ANK3: variants seen among roughly 807,000 people sequenced by gnomAD.
ANK3 encodes the protein ankyrin 3.
A neutral mutation model predicts 370.9 loss-of-function variants in ANK3; 57 were observed. The observed-to-expected ratio is 0.15, with a 90% CI of 0.12 to 0.19. The LOEUF is 0.19. Among genes scored for constraint, ANK3 ranks in the 10% least tolerant of loss-of-function variants. The pLI is 1.00. For missense variants in ANK3, 4,439 were observed against 5,302.1 expected (o/e 0.84, Z 5.06); for synonymous variants, 1,929 against 1,946.3 (o/e 0.99, Z 0.23).
intron 2 of ANK3, among the ~76,000 whole-genome samples, chr10:60,514,923 G>C (rs1039340392): frequency 6.6e-6 from 1 of 152,088 alleles, no homozygotes; most frequent in African/African-American, 2.4e-5. Flanking sequence ...ATTGTAGAGA[G>C]TTGTGTCTTT....
intron 1 of ANK3, among the ~76,000 whole-genome samples, chr10:60,315,149 G>T (rs1342281342): frequency 6.6e-6 from 1 of 152,150 alleles, no homozygotes; most frequent in Non-Finnish European, 1.5e-5. Flanking sequence ...AGAGGGTCCA[G>T]ATGAGTTTAA....
intron 2 of ANK3, among the ~76,000 whole-genome samples, chr10:60,607,993 G>A (rs953282975): frequency 6.6e-5 from 10 of 152,128 alleles, no homozygotes; most frequent in South Asian, 2.1e-4. Flanking sequence ...AATCCTTGAC[G>A]AATTTTTCTG....
rs766194973 is a variant in ANK3, at chr10:60,073,235, C to A, written c.7646G>T (p.Ser2549Ile). The A allele has an allele frequency of 1.9e-6, 3 of 1,614,152 alleles. No individual in the cohort carries two copies. In the South Asian group the frequency reaches 3.3e-5, roughly 18 times the overall value. Residue 2549 changes from serine (S) to isoleucine (I), a missense_variant, in exon 37 of 44, where the codon AGT becomes ATT. Ser to Ile is a moderately radical substitution (Grantham distance 142, BLOSUM62 -2). Coordinates refer to ENST00000280772, the MANE Select transcript of ANK3 (RefSeq NM_020987.5). The stretch of plus-strand genomic sequence containing the variant: ...CATCCACATGGCATGTTTTGGACTA[C>A]TAACATTGCCAGAATAGTGCAACAC... The part of the protein sequence containing the change: ...VTVLHYSGNV[S>I]SPKHAMWMRF...
At position 60,468,984 on chromosome 10, in the gene ANK3, C is replaced by A. The variant is rs1476576461; in HGVS notation, c.96+146202G>T. ...TATATATAGGACCACTATATATATA[C>A]CACTTTTAGTGTGTATATATATATA... On this transcript the variant is annotated intron_variant, in intron 2 of 43. Coordinates refer to the ANK3 transcript ENST00000373827. Among the ~76,000 whole-genome samples the A allele has an allele frequency of 1.3e-3, 75 of 57,350 alleles. 2 individuals carry two copies. The East Asian group carries it at 0.03, about 23-fold the overall frequency. 37.6% of individuals were successfully genotyped at this position (57,350 alleles called of 152,430 possible).
chr10:60,362,960 T>C (rs1326196672), intron 1 of ANK3, among the ~76,000 whole-genome samples: 1 of 152,056 alleles, frequency 6.6e-6, no homozygotes, highest in East Asian at 1.9e-4. Flanking sequence ...TGGACATAGA[T>C]GACTTGTTCT....
At chr10:60,139,185 T>C in intron 23 of ANK3, 98 bp from the exon 24 acceptor site, 1 of 1,421,240 alleles carries the variant, frequency 7.0e-7, no homozygotes, top group Non-Finnish European at 9.6e-7. Flanking sequence ...AATCCCCCAA[T>C]ATCTCATATT....
intron 2 of ANK3, among the ~76,000 whole-genome samples, chr10:60,450,396 A>C (rs1300233065): frequency 5.3e-5 from 8 of 152,192 alleles, no homozygotes. Flanking sequence ...CGAGCTGCCA[A>C]AAGTATTACT....
chr10:60,558,453 C>T (rs1264553945), intron 2 of ANK3, among the ~76,000 whole-genome samples: 2 of 152,102 alleles, frequency 1.3e-5, no homozygotes, highest in African/African-American at 4.8e-5. Flanking sequence ...ATCTCATATT[C>T]CTTGCAGCAC....
chr10:60,523,131 C>A (rs1028078985), intron 2 of ANK3, among the ~76,000 whole-genome samples: 1 of 151,840 alleles, frequency 6.6e-6, no homozygotes, highest in Non-Finnish European at 1.5e-5. Context: ...GAGTCTTTAA[C>A]AGCCTTTCCT....
intron 25 of ANK3, among the ~76,000 whole-genome samples, chr10:60,117,809 G>A (rs368559311): frequency 3.9e-5 from 6 of 151,966 alleles, no homozygotes; most frequent in Non-Finnish European, 5.9e-5. Flanking sequence ...GCAAGACTCC[G>A]TCTCAAAAAA....
chr10:60,214,460 G>A (rs2096903860), intron 8 of ANK3, among the ~76,000 whole-genome samples: 1 of 151,996 alleles, frequency 6.6e-6, no homozygotes. Flanking sequence ...GTACATGTGT[G>A]CCATGGTGGT....
intron 1 of ANK3, among the ~76,000 whole-genome samples, chr10:60,675,068 G>A (rs1178513046): frequency 6.6e-6 from 1 of 152,184 alleles, no homozygotes; most frequent in Non-Finnish European, 1.5e-5. Flanking sequence ...ATCATTGTTT[G>A]TGGAATTTTT....
intron 1 of ANK3, among the ~76,000 whole-genome samples, chr10:60,681,178 T>C (rs2079190360): frequency 6.6e-6 from 1 of 152,190 alleles, no homozygotes; most frequent in Non-Finnish European, 1.5e-5. Flanking sequence ...TGTTGAAGTT[T>C]GGTCTCTCAT....
At chr10:60,550,400 A>C (rs1486920484) in intron 2 of ANK3, among the ~76,000 whole-genome samples, 2 of 151,942 alleles carry the variant, frequency 1.3e-5, no homozygotes, top group African/African-American at 2.4e-5. Context: ...TTTTCAGGTG[A>C]ATATATCATT....
In ANK3 at chr10:60,360,203, T is replaced by C. The variant is rs78470674; in HGVS notation, c.114+29222A>G. On this transcript the variant is annotated intron_variant, in intron 1 of 43. Transcript: ENST00000280772. ...GCAGAGTGAGAGACAACTGCGCTTT[T>C]AGGCTTACTTTATTTGCCTGTTTTG... Among the ~76,000 whole-genome samples, 662 of 152,346 alleles carry C rather than the reference T, an allele frequency of 4.3e-3. 1 individual carries two copies. Among genetic ancestry groups the C allele is most frequent in the African/African-American group, 0.015 (643 of 41,568 alleles).
intron 1 of ANK3, among the ~76,000 whole-genome samples, chr10:60,372,986 G>C (rs546684906): frequency 4.6e-5 from 7 of 152,270 alleles, no homozygotes; most frequent in African/African-American, 1.7e-4. Context: ...ATGATCAGTA[G>C]ATTTTTTTAA....
intron 1 of ANK3, among the ~76,000 whole-genome samples, chr10:60,378,871 A>G (rs1721653098): frequency 6.6e-6 from 1 of 152,052 alleles, no homozygotes; most frequent in South Asian, 2.1e-4. Flanking sequence ...CAAACTAAAA[A>G]GCCTCTGCAC....
At chr10:60,441,343 C>T (rs75992037) in intron 2 of ANK3, among the ~76,000 whole-genome samples, 2,318 of 152,180 alleles carry the variant, frequency 0.015, 62 homozygotes, top group African/African-American at 0.053. Context: ...TCCTAATACA[C>T]TTTCTAAAAA....
chr10:60,669,039 T>C (rs1564521915), intron 1 of ANK3, among the ~76,000 whole-genome samples: 1 of 151,994 alleles, frequency 6.6e-6, no homozygotes, highest in Non-Finnish European at 1.5e-5. Context: ...CTGTGACAGC[T>C]GTGGGGGTCA....
Sources: allele counts gnomAD v4.1 joint callset (sites outside exome capture counted in the v4.1 genomes callset), GRCh38; gene constraint gnomAD v4.1.1; transcripts MANE v1.5; gene names NCBI Gene and HGNC (gene_info 2026-07-23, HGNC 2026-07-21).